G3BP2: variants seen among roughly 807,000 people sequenced by gnomAD.
G3BP2 encodes the protein ras GTPase-activating protein-binding protein 2.
In G3BP2, 11 loss-of-function variants were observed where a neutral mutation model predicts 56.7. That is an observed-to-expected ratio of 0.19 (90% CI 0.12 to 0.32). The LOEUF (loss-of-function observed/expected upper bound fraction) is 0.32, where lower values mean the gene tolerates loss of function less well. Ranked by LOEUF, G3BP2 falls within the 10% of genes least tolerant of loss-of-function variation. The probability of loss-of-function intolerance (pLI) is 1.00; values close to 1 mark genes in which losing one functional copy is unlikely to be tolerated. For missense variants in G3BP2, 340 were observed against 610.9 expected (o/e 0.56, Z 4.67); for synonymous variants, 165 against 191.6 (o/e 0.86, Z 1.15).
At chr4:75,673,445 T>C (rs534111815), upstream of G3BP2, 66 of 1,227,594 alleles carry the variant, frequency 5.4e-5, no homozygotes, top group African/African-American at 1.0e-3. Flanking sequence ...CCTCTTATTG[T>C]TTTACCCCTG....
upstream of G3BP2, chr4:75,673,540 C>G (rs1041999409): frequency 5.7e-6 from 7 of 1,232,078 alleles, no homozygotes; most frequent in African/African-American, 6.2e-5. Flanking sequence ...CCGTGTCCCT[C>G]TGCGGAGCAC....
chr4:75,687,675 T>C (rs921816368), intron 3 of G3BP2, among the ~76,000 whole-genome samples: 2 of 152,222 alleles, frequency 1.3e-5, no homozygotes, highest in Admixed American at 6.5e-5. Flanking sequence ...GCTAATTTTA[T>C]GGGCACACAT....
chr4:75,651,858 T>C lies in G3BP2; in HGVS notation c.825+2125A>G, dbSNP rs542735756. 2.2e-4 allele frequency among the ~76,000 whole-genome samples: 34 copies of C among 152,342 alleles called. No individual in the cohort carries two copies. The East Asian group carries it at 6.4e-3, about 29-fold the overall frequency. On this transcript the variant is annotated intron_variant, in intron 8 of 11. Transcript: ENST00000359707. ...TTAAACATAAGCTTTGTAGGTGAACTAGTCAATTTCCAGACAAAATATTTT... is the reference window on the plus strand; with the variant it reads ...TTAAACATAAGCTTTGTAGGTGAACCAGTCAATTTCCAGACAAAATATTTT...
chr4:75,680,741 C>A (rs934849493), intron 3 of G3BP2, among the ~76,000 whole-genome samples: 2 of 151,216 alleles, frequency 1.3e-5, no homozygotes, highest in Non-Finnish European at 2.9e-5. Flanking sequence ...CTGAGGCGGG[C>A]GGATCGCGAG....
chr4:75,645,746 A>G, intron 11 of G3BP2, 44 bp from the exon 12 acceptor site: 1 of 1,554,592 alleles, frequency 6.4e-7, no homozygotes, highest in Non-Finnish European at 8.8e-7. Flanking sequence ...CAGGTTAGAC[A>G]GCAATAGAAA....
chr4:75,667,469 C>T (rs562750553), intron 1 of G3BP2, among the ~76,000 whole-genome samples: 126 of 152,290 alleles, frequency 8.3e-4, no homozygotes, highest in Middle Eastern at 3.4e-3. Flanking sequence ...TCCACTTCTT[C>T]CAATGACACC....
chr4:75,679,204 G>A (rs1358793630), intron 3 of G3BP2, among the ~76,000 whole-genome samples: 2 of 152,180 alleles, frequency 1.3e-5, no homozygotes, highest in African/African-American at 4.8e-5. Context: ...AAGACTTACT[G>A]ATTGAAAACA....
chr4:75,645,422 G>A lies in G3BP2; in HGVS notation c.*8C>T. The A allele has an allele frequency of 1.2e-6, 2 of 1,609,390 alleles. No individual in the cohort carries two copies. Among genetic ancestry groups the A allele is most frequent in the Non-Finnish European group, 8.5e-7 (1 of 1,177,136 alleles). ...TACCACTGCCAAGACTTTGCCAACA[G>A]TGGAGCTTCAGCGACGCTGTCCTGT... On this transcript the variant is annotated 3_prime_UTR_variant, in exon 12 of 12. Transcript: ENST00000359707.
chr4:75,695,701 ATGGTG>A (rs1719087165), intron 3 of G3BP2, among the ~76,000 whole-genome samples: 1 of 152,130 alleles, frequency 6.6e-6, no homozygotes, highest in Admixed American at 6.6e-5. Flanking sequence ...GAGGCCAGGC[ATGGTG>A]GCTCACGCCT....
Position 75,673,396 on chromosome 4 carries a change from A to G in G3BP2, c.-213T>C, listed in dbSNP as rs1733673854. ...CGGGCGCCAGGCGCTGCGACGTGCG[A>G]CAAGGACCACGGACGTCCCGCCCCC... On this transcript the variant is annotated 5_prime_UTR_variant, in exon 1 of 12. Transcript: ENST00000359707. The G allele has an allele frequency of 5.7e-6, 7 of 1,232,086 alleles. No homozygotes were observed. Among genetic ancestry groups the G allele is most frequent in the Non-Finnish European group, 7.1e-6 (7 of 988,006 alleles). The allele number at this position is 1,232,086 out of a possible 1,614,324, so 76.3% of individuals were successfully genotyped here.
chr4:75,646,704 T>C (rs1578374655), intron 10 of G3BP2, among the ~76,000 whole-genome samples: 1 of 105,342 alleles, frequency 9.5e-6, no homozygotes, highest in Admixed American at 9.5e-5. Flanking sequence ...TAAAGTTAAC[T>C]GCATAATTTT....
rs192409298 is a variant in G3BP2 at position 75,661,692 on chromosome 4, C to T, written c.95+239G>A. 399 of 376,728 alleles carry T rather than the reference C, an allele frequency of 1.1e-3. 3 individuals are homozygous for T. Among genetic ancestry groups the T allele is most frequent in the African/African-American group, 7.8e-3 (369 of 47,592 alleles). The allele number at this position is 376,728 out of a possible 1,614,324, so 23.3% of individuals were successfully genotyped here. ...ATACTAGAGTACATATAAGAATAAG[C>T]GTGTGCATATATAGATATGAATGTG... On this transcript the variant is annotated intron_variant, in intron 2 of 11. Coordinates refer to ENST00000359707, the MANE Select transcript of G3BP2 (RefSeq NM_203505.3).
At chr4:75,666,654 G>C in intron 1 of G3BP2, among the ~76,000 whole-genome samples, 1 of 152,102 alleles carries the variant, frequency 6.6e-6, no homozygotes, top group East Asian at 1.9e-4. Context: ...TATAAAGTTC[G>C]TATTTATAAT....
At chr4:75,711,086 A>G (rs906504432) in intron 3 of G3BP2, among the ~76,000 whole-genome samples, 7 of 152,156 alleles carry the variant, frequency 4.6e-5, no homozygotes, top group Admixed American at 4.6e-4. Flanking sequence ...TTGGGAGGCC[A>G]AGACGGACAG....
intron 3 of G3BP2, among the ~76,000 whole-genome samples, chr4:75,682,287 C>A (rs926326328): frequency 6.6e-6 from 1 of 151,672 alleles, no homozygotes; most frequent in African/African-American, 2.4e-5. Flanking sequence ...TGGTGGCACA[C>A]GCCTGTAGTC....
chr4:75,652,870 A>G (rs754625205), intron 8 of G3BP2, among the ~76,000 whole-genome samples: 8 of 152,208 alleles, frequency 5.3e-5, no homozygotes, highest in Non-Finnish European at 1.2e-4. Context: ...AGCACTAGCT[A>G]TTTTAACTTT....
rs759804914 is a variant in G3BP2 at position 75,714,087 on chromosome 4, C to A, written c.-25+6790G>T. Among the ~76,000 whole-genome samples the A allele has an allele frequency of 3.3e-5, 5 of 152,202 alleles. No homozygotes were observed. The East Asian group carries it at 9.6e-4, about 29-fold the overall frequency. On this transcript the variant is annotated intron_variant, in intron 3 of 3. Coordinates refer to the G3BP2 transcript ENST00000499709. Reference sequence around the variant, plus strand: ...ATATAATCCTGAATTGGATCCTAGACCAAAAGAAAAAAACTTTTTCCCCAA... The same window carrying A: ...ATATAATCCTGAATTGGATCCTAGAACAAAAGAAAAAAACTTTTTCCCCAA...
chr4:75,672,992 CT>C (rs1383947837), intron 1 of G3BP2: 1 of 987,040 alleles, frequency 1.0e-6, no homozygotes, highest in African/African-American at 1.7e-5. Flanking sequence ...GGTCACCTCC[CT>C]TCCCAGGCGG....
chr4:75,683,848 T>C (rs1261922181), intron 3 of G3BP2, among the ~76,000 whole-genome samples: 1 of 152,104 alleles, frequency 6.6e-6, no homozygotes, highest in Non-Finnish European at 1.5e-5. Context: ...AAAATACCCA[T>C]GTTTATGGTG....
Sources: allele counts gnomAD v4.1 joint callset (sites outside exome capture counted in the v4.1 genomes callset), GRCh38; gene constraint gnomAD v4.1.1; transcripts MANE v1.5; gene names NCBI Gene and HGNC (gene_info 2026-07-23, HGNC 2026-07-21).